CUBN: variants seen among roughly 807,000 people sequenced by gnomAD.
CUBN encodes the protein cubilin, also known as 460 kDa receptor.
In CUBN, 282 loss-of-function variants were observed where a neutral mutation model predicts 405.3. The ratio of observed to expected loss-of-function variants is 0.70; its 90% CI spans 0.63 to 0.77. The LOEUF is 0.77. Among genes scored for constraint, CUBN ranks in the 30% least tolerant of loss-of-function variants. The probability of loss-of-function intolerance (pLI) is 0.00; values close to 1 mark genes in which losing one functional copy is unlikely to be tolerated. For synonymous variants in CUBN, 1,684 were observed against 1,617.0 expected, an observed-to-expected ratio of 1.04 and a Z score of -0.99; for missense variants, 4,514 against 4,475.2, an observed-to-expected ratio of 1.01 and a Z score of -0.25.
At chr10:16,950,554 G>C (rs1290076829) in intron 33 of CUBN, among the ~76,000 whole-genome samples, 1 of 152,194 alleles carries the variant, frequency 6.6e-6, no homozygotes, top group Non-Finnish European at 1.5e-5. Context: ...CTCCAGCAGA[G>C]AAGTAATGAA....
At chr10:16,903,824 A>C in intron 51 of CUBN, 142 bp downstream of exon 51, 1 of 475,524 alleles carries the variant, frequency 2.1e-6, no homozygotes, top group Non-Finnish European at 3.5e-6. Context: ...AAAAAATGTA[A>C]TTTAGAAAAT....
At chr10:17,005,412 C>T (rs1469140417) in intron 28 of CUBN, among the ~76,000 whole-genome samples, 1 of 152,160 alleles carries the variant, frequency 6.6e-6, no homozygotes, top group Admixed American at 6.5e-5. Context: ...AATCCCCCTA[C>T]CAAGAGCCAA....
At position 17,065,662 on chromosome 10, in the gene CUBN, G is replaced by C. The variant is rs796570782; in HGVS notation, c.3009-24C>G. 1.2e-5 allele frequency: 19 copies of C among 1,612,596 alleles called. No individual in the cohort carries two copies. The African/African-American group carries it at 1.6e-4, about 14-fold the overall frequency. On this transcript the variant is annotated intron_variant, in intron 21 of 66. Transcript: ENST00000377833. ...ATCTATTCCAAACCAAGAAAGGACA[G>C]ATGTGTGTATTTTAGTTTGGTATAC...
At position 17,075,073 on chromosome 10, in the gene CUBN, C is replaced by CTTTTTTTT. The variant is rs957929670; in HGVS notation, c.2302-3110_2302-3103dup. Among the ~76,000 whole-genome samples the CTTTTTTTT allele has an allele frequency of 3.3e-3, 217 of 65,336 alleles. 2 individuals carry two copies. The highest frequency in any genetic ancestry group is 3.9e-3 in the African/African-American group (61 of 15,722). 42.9% of individuals were successfully genotyped at this position (65,336 alleles called of 152,430 possible). A position where few individuals can be genotyped will look rare whatever the true frequency, so the allele number is the denominator to read the frequency against. The stretch of plus-strand genomic sequence containing the variant: ...TAAAGAGAAGATTTTTCTTTGTTTT[C>CTTTTTTTT]TTTTTTTTTTTTTTTTTTTTTTTTT... On this transcript the variant is annotated intron_variant, in intron 17 of 66. Coordinates refer to ENST00000377833, the MANE Select transcript of CUBN (RefSeq NM_001081.4).
intron 5 of CUBN, 181 bp downstream of exon 5, chr10:17,123,407 T>C: frequency 1.6e-6 from 1 of 643,878 alleles, no homozygotes; most frequent in Admixed American, 2.5e-5. Flanking sequence ...TAGTATTTGG[T>C]GGGTTATACA....
In CUBN at chr10:16,938,575, G is replaced by T. The variant is rs147208908; in HGVS notation, c.5733+388C>A. On this transcript the variant is annotated intron_variant, in intron 38 of 66. Coordinates refer to ENST00000377833, the MANE Select transcript of CUBN (RefSeq NM_001081.4). ...GAACTGATATGGTAGCCAATGTCTG[G>T]ATAGCAATGATCACCATGATTTTTA... is the stretch of plus-strand genomic sequence containing the variant. Among the ~76,000 whole-genome samples, 467 of 152,082 alleles carry T rather than the reference G, an allele frequency of 3.1e-3. 2 individuals are homozygous for T. The highest frequency in any genetic ancestry group is 4.1e-3 in the Non-Finnish European group (276 of 67,980).
chr10:16,945,767 CAAAAAAAAAAAAAA>C (rs61141075), intron 36 of CUBN, among the ~76,000 whole-genome samples: 16 of 81,386 alleles, frequency 2.0e-4, no homozygotes, highest in African/African-American at 7.4e-4. Flanking sequence ...ACTGTGTCTC[CAAAAAAAAAAAAAA>C]AAAAAAAAAG....
intron 17 of CUBN, among the ~76,000 whole-genome samples, chr10:17,072,277 A>C (rs2131849530): frequency 6.6e-6 from 1 of 152,324 alleles, no homozygotes; most frequent in South Asian, 2.1e-4. Flanking sequence ...GAAAACAATA[A>C]AAAATGAGAA....
At chr10:17,118,863 A>AT (rs1588655399) in intron 6 of CUBN, among the ~76,000 whole-genome samples, 1 of 152,250 alleles carries the variant, frequency 6.6e-6, no homozygotes, top group South Asian at 2.1e-4. Flanking sequence ...CATATATTGT[A>AT]TTTTTAAAAC....
intron 22 of CUBN, among the ~76,000 whole-genome samples, chr10:17,049,292 AACAG>A (rs1333966994): frequency 6.6e-6 from 1 of 152,362 alleles, no homozygotes; most frequent in African/African-American, 2.4e-5. Context: ...GAGTTGACAG[AACAG>A]ACAGACTCAT....
Position 16,914,057 on chromosome 10 carries a change from G to T in CUBN, c.7352-65C>A. The T allele has an allele frequency of 3.2e-6, 5 of 1,557,156 alleles. No homozygotes were observed. In the South Asian group the frequency reaches 5.6e-5, roughly 17 times the overall value. On this transcript the variant is annotated intron_variant, in intron 47 of 66. Transcript: ENST00000377833. ...CAAAATGTTTCCTTCCATCAAGAAA[G>T]CTCTCAAAATTCAGGTATTTAAAAA...
chr10:16,922,246 C>G (rs1418521739), intron 43 of CUBN, among the ~76,000 whole-genome samples: 1 of 152,098 alleles, frequency 6.6e-6, no homozygotes, highest in Non-Finnish European at 1.5e-5. Context: ...AAAAACCTAA[C>G]AACTGCTCCT....
At chr10:17,117,799 C>A (rs1391303735) in intron 6 of CUBN, among the ~76,000 whole-genome samples, 1 of 152,166 alleles carries the variant, frequency 6.6e-6, no homozygotes, top group East Asian at 1.9e-4. Flanking sequence ...TGTTTGGAAA[C>A]CCCTGGGATA....
At chr10:16,938,843 G>A (rs1842584161) in intron 38 of CUBN, 120 bp downstream of exon 38, 4 of 866,426 alleles carry the variant, frequency 4.6e-6, no homozygotes, top group Non-Finnish European at 5.7e-6. Context: ...CTCTAAACAT[G>A]ATTTAGAGCA....
chr10:17,066,161 C>T (rs1212134476), intron 21 of CUBN, among the ~76,000 whole-genome samples: 1 of 152,058 alleles, frequency 6.6e-6, no homozygotes, highest in Non-Finnish European at 1.5e-5. Flanking sequence ...AATCGTAACC[C>T]CTATAGAGGG....
At chr10:17,118,779 A>AT (rs765565420) in intron 6 of CUBN, among the ~76,000 whole-genome samples, 4 of 152,128 alleles carry the variant, frequency 2.6e-5, no homozygotes, top group African/African-American at 4.8e-5. Context: ...GGCAAAATAT[A>AT]TTTTCAAGGT....
chr10:16,908,741 C>A (rs1332656076), intron 48 of CUBN, among the ~76,000 whole-genome samples: 1 of 152,094 alleles, frequency 6.6e-6, no homozygotes, highest in African/African-American at 2.4e-5. Context: ...AACAATAATT[C>A]ATTGATTGAA....
intron 14 of CUBN, among the ~76,000 whole-genome samples, chr10:17,099,588 C>T (rs897531584): frequency 9.9e-5 from 15 of 152,174 alleles, no homozygotes; most frequent in Non-Finnish European, 2.1e-4. Flanking sequence ...GTGGCTCATG[C>T]CTGTAATCCC....
At chr10:16,878,528 A>G (rs1396765402) in intron 56 of CUBN, among the ~76,000 whole-genome samples, 1 of 152,332 alleles carries the variant, frequency 6.6e-6, no homozygotes, top group South Asian at 2.1e-4. Flanking sequence ...TTTCATCAGA[A>G]TAAGTTTTCA....
Sources: allele counts gnomAD v4.1 joint callset (sites outside exome capture counted in the v4.1 genomes callset), GRCh38; gene constraint gnomAD v4.1.1; transcripts MANE v1.5; gene names NCBI Gene and HGNC (gene_info 2026-07-23, HGNC 2026-07-21).